The following KLK13 variants were observed in gnomAD, a reference collection of about 807,000 sequenced individuals.
The protein encoded by KLK13 is kallikrein-13.
In KLK13, 19 loss-of-function variants were observed where a neutral mutation model predicts 22.4. That is an observed-to-expected ratio of 0.85 (90% CI 0.59 to 1.24). The LOEUF is 1.24. Among genes scored for constraint, KLK13 ranks in the 50% most tolerant of loss-of-function variants. The pLI, the probability that KLK13 is intolerant of heterozygous loss-of-function variation, is 0.00. For synonymous variants in KLK13, 156 were observed against 141.8 expected (o/e 1.10, Z -0.71); for missense variants, 311 against 347.9 (o/e 0.89, Z 0.84).
rs2122667448 is a variant in KLK13 at position 51,055,814 on chromosome 19, G to T, written c.*773C>A. On this transcript the variant is annotated 3_prime_UTR_variant, in exon 5 of 5. Coordinates refer to ENST00000595793, the MANE Select transcript of KLK13 (RefSeq NM_015596.3). ...AGGGACACTGACCAAGGATGTTCATGGAGGGGATACAAGACGGAATATTTG... is the reference window on the plus strand; with the variant it reads ...AGGGACACTGACCAAGGATGTTCATTGAGGGGATACAAGACGGAATATTTG... Among the ~76,000 whole-genome samples the T allele has an allele frequency of 6.6e-6, 1 of 152,292 alleles. No homozygotes were observed. Among genetic ancestry groups the T allele is most frequent in the East Asian group, 1.9e-4 (1 of 5,194 alleles).
rs200111323 is a variant in KLK13 at position 51,058,600 on chromosome 19, C to G, written c.583G>C (p.Gly195Arg). Residue 195 changes from glycine (G) to arginine (R), a missense_variant, in exon 4 of 5, where the codon GGA (glycine) becomes CGA (arginine). By Grantham distance (125) the Gly-to-Arg change is moderately radical (BLOSUM62 -2). Transcript: ENST00000595793. ...SDEECRQVYPGKITDNMLCAG... is the reference protein window; with the variant it reads ...SDEECRQVYPRKITDNMLCAG... The stretch of plus-strand genomic sequence containing the variant: ...CACAACATGTTGTCAGTGATCTTTC[C>G]TGGGTAGACTTGACGACACTCCTCA... 1.9e-6 allele frequency: 3 copies of G among 1,614,172 alleles called. No individual in the cohort carries two copies. The highest frequency in any genetic ancestry group is 2.7e-5 in the African/African-American group (2 of 75,022).
intron 2 of KLK13, 103 bp from the exon 3 acceptor site, chr19:51,060,196 C>A: frequency 7.1e-7 from 1 of 1,398,642 alleles, no homozygotes; most frequent in Non-Finnish European, 9.8e-7. Context: ...TCTTCTCCAT[C>A]CTACCTTCCT....
intron 1 of KLK13, among the ~76,000 whole-genome samples, chr19:51,061,922 G>C (rs2091734759): frequency 1.3e-5 from 2 of 151,964 alleles, no homozygotes; most frequent in Non-Finnish European, 2.9e-5. Context: ...AAACACACCA[G>C]GCATTTAAAG....
At chr19:51,058,446 A>G in intron 4 of KLK13, 92 bp downstream of exon 4, 1 of 1,488,872 alleles carries the variant, frequency 6.7e-7, no homozygotes, top group Non-Finnish European at 9.3e-7. Context: ...TGGTTCCCCT[A>G]AGGCTGGAAA....
chr19:51,065,004 G>T lies in KLK13; in HGVS notation c.52+12C>A, dbSNP rs1304887774. ...GAATGGCCGCCGCGCCTCCACCCCCGCGCATTCTTACCTCCTGACAAGGCC... is the reference window on the plus strand; with the variant it reads ...GAATGGCCGCCGCGCCTCCACCCCCTCGCATTCTTACCTCCTGACAAGGCC... On this transcript the variant is annotated intron_variant, in intron 1 of 4. Coordinates refer to ENST00000595793, the MANE Select transcript of KLK13 (RefSeq NM_015596.3). 2 of 1,506,752 alleles carry T rather than the reference G, an allele frequency of 1.3e-6. No homozygotes were observed. Among genetic ancestry groups the T allele is most frequent in the Admixed American group, 2.0e-5 (1 of 49,866 alleles). The allele number at this position is 1,506,752 out of a possible 1,614,324, so 93.3% of individuals were successfully genotyped here.
intron 3 of KLK13, 21 bp from the exon 4 acceptor site, chr19:51,058,695 G>C (rs753472685): frequency 1.2e-6 from 2 of 1,613,820 alleles, no homozygotes; most frequent in African/African-American, 2.7e-5. Flanking sequence ...GAAAGAGAAG[G>C]TCTAAGGTAT....
upstream of KLK13, chr19:51,065,187 C>G (rs1286186114): frequency 1.5e-6 from 1 of 664,778 alleles, no homozygotes; most frequent in East Asian, 3.1e-5. Context: ...AATGTCTCCT[C>G]GCCTCATTCA....
At chr19:51,065,101 C>CGGGGGGGGCG, upstream of KLK13, 1 of 431,734 alleles carries the variant, frequency 2.3e-6, no homozygotes, top group Non-Finnish European at 4.4e-6. Context: ...GCAGGGCGGG[C>CGGGGGGGGCG]GGGGCCTGAG....
upstream of KLK13, among the ~76,000 whole-genome samples, chr19:51,065,282 G>C (rs1482196558): frequency 6.6e-6 from 1 of 152,034 alleles, no homozygotes; most frequent in Non-Finnish European, 1.5e-5. Flanking sequence ...GGGAGGAACA[G>C]TGTGCAACCT....
At chr19:51,064,718 C>G (rs2736435) in intron 1 of KLK13, 6,701 of 630,472 alleles carry the variant, frequency 0.011, 266 homozygotes, top group African/African-American at 0.092. Context: ...GCGGCAGCGT[C>G]AGGACGCGAA....
intron 1 of KLK13, chr19:51,063,923 G>A (rs2091753064): frequency 2.3e-6 from 1 of 441,368 alleles, no homozygotes; most frequent in Non-Finnish European, 4.6e-6. Context: ...ATCTGCGTCT[G>A]TCCCCGCTAG....
chr19:51,065,126 G>T, upstream of KLK13: 1 of 1,258,058 alleles, frequency 7.9e-7, no homozygotes, highest in African/African-American at 1.5e-5. Flanking sequence ...AGGTGAAGGG[G>T]GTGTTGAGGG....
rs1407736263 is a variant in KLK13, at chr19:51,060,552, G to A, written c.120C>T (p.Tyr40=). 1 of 1,613,898 alleles carries A rather than the reference G, an allele frequency of 6.2e-7. No individual in the cohort carries two copies. The highest frequency in any genetic ancestry group is 1.7e-5 in the Admixed American group (1 of 60,016). Residue 40 remains tyrosine, a synonymous_variant, in exon 2 of 5, where the codon TAC becomes TAT. Transcript: ENST00000595793. ...NGTSGFLPGG[Y]TCFPHSQPWQ... is the part of the protein sequence containing the mutation. ...AGGGCTGAGAGTGGGGGAAGCAGGT[G>A]TAGCCACCTGGGAGAAACCCACTGG...
At chr19:51,057,409 T>C (rs555907558) in intron 4 of KLK13, among the ~76,000 whole-genome samples, 1 of 152,334 alleles carries the variant, frequency 6.6e-6, no homozygotes, top group East Asian at 1.9e-4. Context: ...TTTAAAAAAT[T>C]AAACATTCAT....
intron 1 of KLK13, chr19:51,064,675 G>T: frequency 1.7e-6 from 1 of 587,128 alleles, no homozygotes; most frequent in Non-Finnish European, 3.2e-6. Flanking sequence ...AAACAATTTA[G>T]GCACAAAGCA....
upstream of KLK13, chr19:51,065,097 C>CGGGGG: frequency 8.6e-6 from 3 of 347,240 alleles, no homozygotes; most frequent in Admixed American, 4.2e-5. Context: ...GAGGGCAGGG[C>CGGGGG]GGGCGGGGCC....
At position 51,060,529 on chromosome 19, in the gene KLK13, G is replaced by T; in HGVS notation, c.143C>A (p.Pro48His). Residue 48 changes from proline to histidine, a missense_variant, in exon 2 of 5, where the codon CCC becomes CAC. Physicochemically the swap from Pro to His is moderately conservative, Grantham distance 77. Coordinates refer to ENST00000595793, the MANE Select transcript of KLK13 (RefSeq NM_015596.3). ...GGYTCFPHSQ[P>H]WQAALLVQGR... ...TTGCACTAGTAGGGCAGCCTGCCAG[G>T]GCTGAGAGTGGGGGAAGCAGGTGTA... 7 of 1,613,986 alleles carry T rather than the reference G, an allele frequency of 4.3e-6. No homozygotes were observed. The highest frequency in any genetic ancestry group is 5.9e-6 in the Non-Finnish European group (7 of 1,179,914).
At chr19:51,058,735 G>A (rs1884291018) in intron 3 of KLK13, 61 bp from the exon 4 acceptor site, 2 of 1,547,744 alleles carry the variant, frequency 1.3e-6, no homozygotes, top group Non-Finnish European at 1.8e-6. Context: ...GGATGAAGGT[G>A]AAATAGGCGA....
chr19:51,060,499 C>T lies in KLK13; in HGVS notation c.173G>A (p.Arg58Gln), dbSNP rs969188934. ...PWQAALLVQG[R>Q]LLCGGVLVHP... is the part of the protein sequence containing the mutation. The stretch of plus-strand genomic sequence containing the variant: ...GACCAGGACTCCCCCACAGAGTAGC[C>T]GCCCTTGCACTAGTAGGGCAGCCTG... The change falls in exon 2 of 5, where the codon CGG (arginine) becomes CAG (glutamine). Residue 58 changes from arginine (R) to glutamine (Q), a missense_variant. Physicochemically the swap from Arg to Gln is conservative, Grantham distance 43. Coordinates refer to ENST00000595793, the MANE Select transcript of KLK13 (RefSeq NM_015596.3). 2.0e-5 allele frequency: 33 copies of T among 1,613,826 alleles called. No homozygotes were observed. Among genetic ancestry groups the T allele is most frequent in the African/African-American group, 5.3e-5 (4 of 74,894 alleles).
Sources: gnomAD v4.1 joint callset for allele counts (sites outside exome capture counted in the v4.1 genomes callset) on GRCh38, gnomAD v4.1.1 for gene constraint, MANE v1.5 for transcripts, NCBI Gene and HGNC (gene_info 2026-07-23, HGNC 2026-07-21) for gene names.